COL11A1: variants seen among roughly 807,000 people sequenced by gnomAD.
The protein encoded by COL11A1 is collagen alpha-1(XI) chain.
Under a neutral mutation model 265.2 loss-of-function variants are expected in COL11A1, and 74 were observed. The ratio of observed to expected loss-of-function variants is 0.28; its 90% CI spans 0.23 to 0.34. The LOEUF (loss-of-function observed/expected upper bound fraction) is 0.34. COL11A1 is among the 10% of genes least tolerant of loss of function. The pLI is 1.00. For missense variants in COL11A1, 2,165 were observed against 2,263.6 expected, an observed-to-expected ratio of 0.96 and a Z score of 0.88; for synonymous variants, 816 against 727.6, an observed-to-expected ratio of 1.12 and a Z score of -1.96.
rs1342316795 is a variant in COL11A1 at position 102,877,632 on chromosome 1, CA to C, written c.*386del. ...ACAGATAACAGTATAGAACTGTACA[CA>C]AAATAATTACAATTTATTAAACACA... On this transcript the variant is annotated 3_prime_UTR_variant, in exon 67 of 67. Transcript: ENST00000370096. 5.1e-6 allele frequency: 1 copy of C among 195,078 alleles called. No homozygotes were observed. Among genetic ancestry groups the C allele is most frequent in the Non-Finnish European group, 1.1e-5 (1 of 93,462 alleles). 12.1% of individuals were successfully genotyped at this position (195,078 alleles called of 1,614,324 possible).
chr1:103,107,768 T>C (rs1291099626), intron 1 of COL11A1, among the ~76,000 whole-genome samples: 1 of 151,900 alleles, frequency 6.6e-6, no homozygotes, highest in Non-Finnish European at 1.5e-5. Context: ...GTGTTCAAGG[T>C]AATATTTTTC....
chr1:102,988,203 T>A (rs761124325), intron 29 of COL11A1, among the ~76,000 whole-genome samples: 16 of 152,104 alleles, frequency 1.1e-4, no homozygotes, highest in Non-Finnish European at 2.1e-4. Context: ...CCATGATTCG[T>A]GATTTAACTG....
At position 103,046,819 on chromosome 1, in the gene COL11A1, C is replaced by T. The variant is rs548812852; in HGVS notation, c.652-15575G>A. ...GAAGGGATCCAGTTTCAGCTTTCTA[C>T]ATATGGCTAGCCAGTTTTCCCAGCA... On this transcript the variant is annotated intron_variant, in intron 4 of 66. Coordinates refer to ENST00000370096, the MANE Select transcript of COL11A1 (RefSeq NM_001854.4). 8.6e-5 allele frequency among the ~76,000 whole-genome samples: 13 copies of T among 151,488 alleles called. No homozygotes were observed. The South Asian group carries it at 1.0e-3, about 12-fold the overall frequency.
Position 102,945,877 on chromosome 1 carries a change from C to T in COL11A1, c.3276+972G>A, listed in dbSNP as rs573014938. Among the ~76,000 whole-genome samples, 121 of 151,678 alleles carry T rather than the reference C, an allele frequency of 8.0e-4. 1 individual carries two copies. In the Middle Eastern group the frequency reaches 0.01, roughly 13 times the overall value. Reference sequence around the variant, plus strand: ...ATGCTGCCATAAAGACACATGCACACGTATGTTTATTGCGGCACTATTCAC... The same window carrying T: ...ATGCTGCCATAAAGACACATGCACATGTATGTTTATTGCGGCACTATTCAC... On this transcript the variant is annotated intron_variant, in intron 42 of 66. Transcript: ENST00000370096.
chr1:103,106,887 G>T (rs979079408), intron 1 of COL11A1, among the ~76,000 whole-genome samples: 1 of 152,110 alleles, frequency 6.6e-6, no homozygotes, highest in Non-Finnish European at 1.5e-5. Flanking sequence ...CCACACTCAA[G>T]TTTCTGCTAA....
At chr1:102,900,157 A>G (rs1010054148) in intron 54 of COL11A1, among the ~76,000 whole-genome samples, 2 of 152,138 alleles carry the variant, frequency 1.3e-5, no homozygotes, top group Non-Finnish European at 2.9e-5. Flanking sequence ...GATTTTCTCA[A>G]TATCATTCCT....
intron 4 of COL11A1, among the ~76,000 whole-genome samples, chr1:103,044,665 G>T (rs1041423398): frequency 1.3e-5 from 2 of 151,976 alleles, no homozygotes; most frequent in African/African-American, 4.8e-5. Context: ...CCACTTCCTT[G>T]TCTGCTATAG....
At chr1:102,905,874 G>T (rs1012707876) in intron 54 of COL11A1, among the ~76,000 whole-genome samples, 1 of 152,180 alleles carries the variant, frequency 6.6e-6, no homozygotes, top group African/African-American at 2.4e-5. Context: ...AGTTAGTTCA[G>T]TATTGGTCAC....
rs1319482941 is a variant in COL11A1 at position 102,984,188 on chromosome 1, T to C, written c.2506A>G (p.Lys836Glu). The C allele has an allele frequency of 2.5e-6, 4 of 1,586,076 alleles. No individual in the cohort carries two copies. The highest frequency in any genetic ancestry group is 3.5e-6 in the Non-Finnish European group (4 of 1,157,548). ...GPSGQAGEKGKLGVPGLPGYP... is the reference protein window; with the variant it reads ...GPSGQAGEKGELGVPGLPGYP... ...CCTGGTAATCCTGGAACTCCAAGTT[T>C]TCCCTACAGTTAAAATATATAATAA... The change falls in exon 31 of 67, where the codon AAA (lysine) becomes GAA (glutamate). Residue 836 changes from lysine to glutamate, a missense_variant. Transcript: ENST00000370096.
chr1:103,006,282 T>C lies in COL11A1; in HGVS notation c.1717A>G (p.Thr573Ala), dbSNP rs560019202. Residue 573 changes from threonine to alanine, a missense_variant, in exon 16 of 67, where the codon ACG becomes GCG. Physicochemically the swap from Thr to Ala is moderately conservative, Grantham distance 58. Transcript: ENST00000370096. ...PRGVQGPPGP[T>A]GKPGKRGRPG... The stretch of plus-strand genomic sequence containing the variant: ...CATACCCTTTTTCCAGGTTTTCCCG[T>C]TGGACCAGGGGGACCCTGGACGCCT... 282 of 1,609,588 alleles carry C rather than the reference T, an allele frequency of 1.8e-4. 2 individuals carry two copies. In the South Asian group the frequency reaches 2.9e-3, roughly 17 times the overall value.
At chr1:103,049,899 C>A (rs925175300) in intron 4 of COL11A1, among the ~76,000 whole-genome samples, 1 of 152,164 alleles carries the variant, frequency 6.6e-6, no homozygotes, top group Non-Finnish European at 1.5e-5. Flanking sequence ...GCTGAAAATT[C>A]TTTTCTTTAA....
chr1:102,945,064 T>A (rs955551936), intron 42 of COL11A1, among the ~76,000 whole-genome samples: 2 of 151,870 alleles, frequency 1.3e-5, no homozygotes, highest in Non-Finnish European at 2.9e-5. Context: ...ATTTTTTTTT[T>A]ATTTGCTACA....
chr1:102,964,743 T>G (rs776061531), intron 38 of COL11A1, among the ~76,000 whole-genome samples: 13 of 152,176 alleles, frequency 8.5e-5, no homozygotes, highest in African/African-American at 1.7e-4. Flanking sequence ...CGTATTCACC[T>G]GCTTTTGCTC....
At chr1:103,105,781 C>T (rs184394897) in intron 1 of COL11A1, among the ~76,000 whole-genome samples, 58 of 152,126 alleles carry the variant, frequency 3.8e-4, no homozygotes, top group African/African-American at 1.4e-3. Flanking sequence ...GGATTTGTAG[C>T]CAATGTTTTC....
At position 103,021,778 on chromosome 1, in the gene COL11A1, T is replaced by C. The variant is rs375455188; in HGVS notation, c.1246-9A>G. The C allele has an allele frequency of 6.9e-6, 11 of 1,596,828 alleles. No individual in the cohort carries two copies. The highest frequency in any genetic ancestry group is 6.7e-5 in the African/African-American group (5 of 74,582). On this transcript the variant is annotated splice_polypyrimidine_tract_variant and intron_variant, in intron 8 of 66. Coordinates refer to ENST00000370096, the MANE Select transcript of COL11A1 (RefSeq NM_001854.4). Reference sequence around the variant, plus strand: ...GCACCATGGCCATTTATCTGTTGAATGAAATATTCAAAACAGCCTAAATGT... The same window carrying C: ...GCACCATGGCCATTTATCTGTTGAACGAAATATTCAAAACAGCCTAAATGT...
rs1353776156 is a variant in COL11A1 at position 103,108,409 on chromosome 1, G to A, written c.-231C>T. 1.1e-5 allele frequency: 7 copies of A among 611,224 alleles called. No homozygotes were observed. Among genetic ancestry groups the A allele is most frequent in the African/African-American group, 5.5e-5 (3 of 54,082 alleles). The allele number at this position is 611,224 out of a possible 1,614,324, so 37.9% of individuals were successfully genotyped here. On this transcript the variant is annotated 5_prime_UTR_variant, in exon 1 of 67. Coordinates refer to ENST00000370096, the MANE Select transcript of COL11A1 (RefSeq NM_001854.4). ...CCCCACCGGCCGGGACCCTCCGGCC[G>A]CGACCCTCTGATCCTTCCTCTGCCG...
intron 44 of COL11A1, among the ~76,000 whole-genome samples, chr1:102,935,746 A>G (rs1658070541): frequency 6.6e-6 from 1 of 152,196 alleles, no homozygotes; most frequent in Non-Finnish European, 1.5e-5. Context: ...TCAGGCATTA[A>G]AGAAATAAAA....
At chr1:102,973,877 T>C (rs1005899706) in intron 36 of COL11A1, among the ~76,000 whole-genome samples, 1 of 152,234 alleles carries the variant, frequency 6.6e-6, no homozygotes, top group Non-Finnish European at 1.5e-5. Context: ...TGTTTAATTA[T>C]TTCAAAATAA....
chr1:102,978,630 T>C (rs1192587094), intron 35 of COL11A1, 78 bp downstream of exon 35: 22 of 1,465,408 alleles, frequency 1.5e-5, no homozygotes, highest in South Asian at 3.4e-5. Context: ...TTAGCAGACA[T>C]ATATCTTTTC....
Sources: gnomAD v4.1 joint callset for allele counts (sites outside exome capture counted in the v4.1 genomes callset) on GRCh38, gnomAD v4.1.1 for gene constraint, MANE v1.5 for transcripts, NCBI Gene and HGNC (gene_info 2026-07-23, HGNC 2026-07-21) for gene names.